Variants in HADH observed in about 807,000 individuals in gnomAD.
HADH encodes the protein hydroxyacyl-coenzyme A dehydrogenase, mitochondrial.
Under a neutral mutation model 32.2 loss-of-function variants are expected in HADH, and 24 were observed. The observed-to-expected ratio is 0.75, with a 90% confidence interval of 0.54 to 1.05. The LOEUF is 1.05. Ranked by LOEUF, HADH falls within the 50% of genes least tolerant of loss-of-function variation. The pLI is 0.00. For missense variants in HADH, 350 were observed against 397.1 expected, an observed-to-expected ratio of 0.88 and a Z score of 1.01; for synonymous variants, 139 against 152.5, an observed-to-expected ratio of 0.91 and a Z score of 0.65.
chr4:108,010,010 A>G, intron 2 of HADH, 123 bp downstream of exon 2: 2 of 714,130 alleles, frequency 2.8e-6, no homozygotes, highest in Non-Finnish European at 4.8e-6. Context: ...TGTTAGTGTA[A>G]AACTCATTTT....
At chr4:108,025,408 C>G (rs559474122) in intron 5 of HADH, 19 of 152,108 alleles carry the variant, frequency 1.2e-4, no homozygotes, top group Non-Finnish European at 2.2e-4. Context: ...TCAGTGTCCT[C>G]ATGCTTCACA....
In HADH at chr4:108,027,674, G is replaced by A; in HGVS notation, c.637-14G>A. On this transcript the variant is annotated splice_polypyrimidine_tract_variant and intron_variant, in intron 5 of 7. Coordinates refer to ENST00000309522, the MANE Select transcript of HADH (RefSeq NM_005327.7). ...AAATTTACTAGTTTTTTGTTTTTCTGTCTCCCAAAACAGGACACTCCTGGG... is the reference window on the plus strand; with the variant it reads ...AAATTTACTAGTTTTTTGTTTTTCTATCTCCCAAAACAGGACACTCCTGGG... 5 of 1,572,280 alleles carry A rather than the reference G, an allele frequency of 3.2e-6. No homozygotes were observed. The highest frequency in any genetic ancestry group is 1.3e-5 in the African/African-American group (1 of 74,164).
At position 107,992,677 on chromosome 4, in the gene HADH, A is replaced by C. The variant is rs186332188; in HGVS notation, c.132+2613A>C. On this transcript the variant is annotated intron_variant, in intron 1 of 7. Transcript: ENST00000309522. ...CTCATCTCTAAAGTAGACTAATGCTAGTACTGGCCTCGTAGGGAGAGAATT... is the reference window on the plus strand; with the variant it reads ...CTCATCTCTAAAGTAGACTAATGCTCGTACTGGCCTCGTAGGGAGAGAATT... 2.3e-3 allele frequency among the ~76,000 whole-genome samples: 345 copies of C among 152,342 alleles called. 2 individuals carry two copies. The highest frequency in any genetic ancestry group is 8.0e-3 in the African/African-American group (331 of 41,576).
chr4:108,024,157 T>G (rs1184542525), intron 5 of HADH: 2 of 152,818 alleles, frequency 1.3e-5, no homozygotes, highest in Admixed American at 1.3e-4. Flanking sequence ...TTATTGTATA[T>G]AAAATAATCC....
At chr4:108,000,693 A>G (rs1001108451) in intron 1 of HADH, among the ~76,000 whole-genome samples, 14 of 152,318 alleles carry the variant, frequency 9.2e-5, no homozygotes, top group Admixed American at 5.9e-4. Context: ...GATGGTGTCC[A>G]TGTTAGATTA....
At chr4:107,993,151 T>C (rs959581571) in intron 1 of HADH, among the ~76,000 whole-genome samples, 3 of 152,188 alleles carry the variant, frequency 2.0e-5, no homozygotes, top group African/African-American at 4.8e-5. Context: ...ATCATCTTCA[T>C]TGCAGTTGTC....
chr4:107,990,160 C>G, intron 1 of HADH, 96 bp downstream of exon 1: 3 of 1,310,828 alleles, frequency 2.3e-6, no homozygotes, highest in Non-Finnish European at 3.1e-6. Context: ...TGCACCCGCC[C>G]GACACCAGGG....
chr4:107,996,903 A>G (rs1003806770), intron 1 of HADH, among the ~76,000 whole-genome samples: 1 of 152,044 alleles, frequency 6.6e-6, no homozygotes, highest in African/African-American at 2.4e-5. Flanking sequence ...CAAAAAAAAA[A>G]AAAAAAAGAA....
chr4:108,005,170 G>T (rs1367694232), intron 1 of HADH: 1 of 289,722 alleles, frequency 3.5e-6, no homozygotes, highest in Non-Finnish European at 6.5e-6. Flanking sequence ...AGGGTCTTTG[G>T]GGATCTAAAA....
At chr4:108,023,676 G>A in intron 5 of HADH, 113 bp downstream of exon 5, 1 of 760,154 alleles carries the variant, frequency 1.3e-6, no homozygotes, top group Non-Finnish European at 2.4e-6. Flanking sequence ...ATTGTATACT[G>A]CAAGCTTGTC....
rs199506529 is a variant in HADH at position 108,027,787 on chromosome 4, A to G, written c.709+27A>G. ...TATCCTTCTGACCCAGGCCAGGAGCAGCAGACCTCAGCTCCTGGCGCCACT... is the reference window on the plus strand; with the variant it reads ...TATCCTTCTGACCCAGGCCAGGAGCGGCAGACCTCAGCTCCTGGCGCCACT... On this transcript the variant is annotated intron_variant, in intron 6 of 7. Coordinates refer to ENST00000309522, the MANE Select transcript of HADH (RefSeq NM_005327.7). 1.2e-4 allele frequency: 156 copies of G among 1,300,324 alleles called. No homozygotes were observed. In the East Asian group the frequency reaches 3.4e-3, roughly 29 times the overall value. The allele number at this position is 1,300,324 out of a possible 1,614,324, so 80.5% of individuals were successfully genotyped here.
intron 1 of HADH, among the ~76,000 whole-genome samples, chr4:108,003,425 G>A (rs1460000052): frequency 1.3e-5 from 2 of 152,108 alleles, no homozygotes; most frequent in Non-Finnish European, 2.9e-5. Flanking sequence ...CTATCATATT[G>A]GCAGTGCCTG....
intron 5 of HADH, 123 bp from the exon 6 acceptor site, chr4:108,027,565 T>C: frequency 1.3e-6 from 1 of 753,202 alleles, no homozygotes; most frequent in Admixed American, 1.8e-5. Flanking sequence ...ATTTTGAAAA[T>C]GTACAGCTTG....
intron 1 of HADH, among the ~76,000 whole-genome samples, chr4:107,996,893 CAA>C (rs371481879): frequency 0.15 from 16,258 of 109,570 alleles, 1,297 homozygotes; most frequent in African/African-American, 0.26. Context: ...GACTCCTTCT[CAA>C]AAAAAAAAAA....
chr4:108,020,553 C>T (rs1213579592), intron 4 of HADH, among the ~76,000 whole-genome samples: 2 of 152,086 alleles, frequency 1.3e-5, no homozygotes, highest in Admixed American at 6.5e-5. Context: ...GAAGGTGGAG[C>T]GGGGAGGCAG....
At chr4:108,018,806 G>C (rs975061138) in intron 3 of HADH, among the ~76,000 whole-genome samples, 1 of 152,118 alleles carries the variant, frequency 6.6e-6, no homozygotes, top group Non-Finnish European at 1.5e-5. Flanking sequence ...AAGTCAACCT[G>C]TTTAAAGCTT....
At chr4:108,031,879 T>G in intron 6 of HADH, 1 of 153,922 alleles carries the variant, frequency 6.5e-6, no homozygotes, top group Admixed American at 6.5e-5. Flanking sequence ...GCTGCCTATA[T>G]GATTATTTTT....
rs544321475 is a variant in HADH at position 108,034,957 on chromosome 4, C to T, written c.*600C>T. ...TCTGTTTGCATGGTTTGCAGGAGGT[C>T]GGTTTTCATGGTCATTCAGTTCCAC... On this transcript the variant is annotated 3_prime_UTR_variant, in exon 8 of 8. Coordinates refer to ENST00000309522, the MANE Select transcript of HADH (RefSeq NM_005327.7). 7.0e-4 allele frequency: 113 copies of T among 161,670 alleles called. No homozygotes were observed. The highest frequency in any genetic ancestry group is 1.2e-3 in the Non-Finnish European group (85 of 72,564). 10.0% of individuals were successfully genotyped at this position (161,670 alleles called of 1,614,324 possible). A position where few individuals can be genotyped will look rare whatever the true frequency, so the allele number is the denominator to read the frequency against.
intron 1 of HADH, among the ~76,000 whole-genome samples, chr4:107,995,821 A>G (rs1277127668): frequency 6.6e-6 from 1 of 152,054 alleles, no homozygotes; most frequent in Non-Finnish European, 1.5e-5. Context: ...TGTGGCATCC[A>G]TGGCAGGGGA....
Sources: allele counts gnomAD v4.1 joint callset (sites outside exome capture counted in the v4.1 genomes callset), GRCh38; gene constraint gnomAD v4.1.1; transcripts MANE v1.5; gene names NCBI Gene and HGNC (gene_info 2026-07-23, HGNC 2026-07-21).